DPF3: variants seen among roughly 807,000 people sequenced by gnomAD.
DPF3 encodes the protein zinc finger protein DPF3.
A neutral mutation model predicts 56.8 loss-of-function variants in DPF3; 18 were observed. The ratio of observed to expected loss-of-function variants is 0.32; its 90% CI spans 0.22 to 0.47. The LOEUF is 0.47. Ranked by LOEUF, DPF3 falls within the 20% of genes least tolerant of loss-of-function variation. The probability of loss-of-function intolerance (pLI) is 1.00; values close to 1 mark genes in which losing one functional copy is unlikely to be tolerated. For synonymous variants in DPF3, 188 were observed against 180.2 expected (o/e 1.04, Z -0.35); for missense variants, 403 against 488.8 (o/e 0.82, Z 1.65).
rs182278311 is a variant in DPF3 at position 72,661,495 on chromosome 14, G to A, written c.871+12745C>T. On this transcript the variant is annotated intron_variant, in intron 8 of 10. Coordinates refer to ENST00000556509, the MANE Select transcript of DPF3 (RefSeq NM_001280542.3). Reference sequence around the variant, plus strand: ...GGGAGGGAAACCCAAGAGCATGGCTGTGTGAAAGCCCAGTGCAGTGGGGAG... The same window carrying A: ...GGGAGGGAAACCCAAGAGCATGGCTATGTGAAAGCCCAGTGCAGTGGGGAG... The A allele has an allele frequency of 7.1e-5, 70 of 985,612 alleles. No homozygotes were observed. The African/African-American group carries it at 1.0e-3, about 14-fold the overall frequency. 61.1% of individuals were successfully genotyped at this position (985,612 alleles called of 1,614,324 possible).
At chr14:72,739,959 TG>T (rs1890059470) in intron 3 of DPF3, among the ~76,000 whole-genome samples, 1 of 152,196 alleles carries the variant, frequency 6.6e-6, no homozygotes, top group Admixed American at 6.5e-5. Flanking sequence ...TGGTAATCAG[TG>T]CTTTGGAGGA....
intron 1 of DPF3, among the ~76,000 whole-genome samples, chr14:72,777,311 G>A (rs894767169): frequency 5.3e-5 from 8 of 152,176 alleles, no homozygotes; most frequent in African/African-American, 9.7e-5. Context: ...GGAAAGCTCC[G>A]TCTCCCATTT....
At chr14:72,673,493 G>T (rs1312229674) in intron 8 of DPF3, among the ~76,000 whole-genome samples, 4 of 152,118 alleles carry the variant, frequency 2.6e-5, no homozygotes, top group African/African-American at 7.2e-5. Context: ...AAAAATAATG[G>T]TTTGGTTAGA....
At chr14:72,673,680 A>G (rs181777203) in intron 8 of DPF3, among the ~76,000 whole-genome samples, 26 of 152,338 alleles carry the variant, frequency 1.7e-4, no homozygotes, top group Admixed American at 1.5e-3. Context: ...CTTTTGCCTC[A>G]TTGATCTATC....
At chr14:72,788,612 T>C (rs1210256715) in intron 1 of DPF3, among the ~76,000 whole-genome samples, 1 of 152,060 alleles carries the variant, frequency 6.6e-6, no homozygotes. Flanking sequence ...CACACAGGAT[T>C]CTAGTCAATT....
chr14:72,700,608 T>C (rs1160839882), intron 6 of DPF3, among the ~76,000 whole-genome samples: 1 of 152,174 alleles, frequency 6.6e-6, no homozygotes, highest in Non-Finnish European at 1.5e-5. Flanking sequence ...CTCAGTGCCA[T>C]CAACCACCCA....
intron 1 of DPF3, among the ~76,000 whole-genome samples, chr14:72,891,290 G>A (rs1886741547): frequency 6.8e-6 from 1 of 146,738 alleles, no homozygotes; most frequent in Non-Finnish European, 1.5e-5. Flanking sequence ...ACCATTTTCT[G>A]TAGGAGACGT....
rs574288312 is a variant in DPF3, at chr14:72,629,773, G to A, written c.872-37C>T. 3.8e-5 allele frequency: 55 copies of A among 1,457,350 alleles called. 1 individual carries two copies. The South Asian group carries it at 6.4e-4, about 17-fold the overall frequency. 90.3% of individuals were successfully genotyped at this position (1,457,350 alleles called of 1,614,324 possible). ...CAGAAACAACAGCATTAGGGCCAAAGTATGAACTGCCACCCCTCAACACCA... is the reference window on the plus strand; with the variant it reads ...CAGAAACAACAGCATTAGGGCCAAAATATGAACTGCCACCCCTCAACACCA... On this transcript the variant is annotated intron_variant, in intron 8 of 10. Coordinates refer to ENST00000556509, the MANE Select transcript of DPF3 (RefSeq NM_001280542.3).
chr14:72,698,998 G>A (rs1351779134), intron 6 of DPF3, among the ~76,000 whole-genome samples: 1 of 152,112 alleles, frequency 6.6e-6, no homozygotes, highest in Non-Finnish European at 1.5e-5. Flanking sequence ...GGATGAAGGA[G>A]GAAAACCAGA....
At chr14:72,637,119 A>G (rs1885406086) in intron 8 of DPF3, among the ~76,000 whole-genome samples, 1 of 152,226 alleles carries the variant, frequency 6.6e-6, no homozygotes, top group African/African-American at 2.4e-5. Context: ...ATGCAAGAGT[A>G]TTACGGGCAC....
chr14:72,648,494 G>A (rs1885791410), intron 8 of DPF3, among the ~76,000 whole-genome samples: 1 of 150,570 alleles, frequency 6.6e-6, no homozygotes, highest in Non-Finnish European at 1.5e-5. Context: ...CCAGGAGGCA[G>A]AGGTTGCAGT....
At chr14:72,774,671 C>A (rs1420156344) in intron 1 of DPF3, among the ~76,000 whole-genome samples, 1 of 152,026 alleles carries the variant, frequency 6.6e-6, no homozygotes, top group East Asian at 1.9e-4. Flanking sequence ...TCCTTTTTCA[C>A]CTCTGAACAT....
rs1555488007 is a variant in DPF3 at position 72,610,815 on chromosome 14, G to A, written c.*8482C>T. On this transcript the variant is annotated 3_prime_UTR_variant, in exon 11 of 11. Coordinates refer to ENST00000556509, the MANE Select transcript of DPF3 (RefSeq NM_001280542.3). ...ACCTGAGGGCTCAGGGCCCACCACT[G>A]GCTGCCTGGGGGAAGTGCTGCCAGT... Among the ~76,000 whole-genome samples the A allele has an allele frequency of 6.6e-6, 1 of 152,170 alleles. No individual in the cohort carries two copies. The highest frequency in any genetic ancestry group is 1.5e-5 in the Non-Finnish European group (1 of 68,030).
At chr14:72,630,832 C>T (rs1413156680) in intron 8 of DPF3, among the ~76,000 whole-genome samples, 4 of 152,186 alleles carry the variant, frequency 2.6e-5, no homozygotes, top group Non-Finnish European at 4.4e-5. Flanking sequence ...TTATATGGTG[C>T]CTTGTGTTGC....
chr14:72,643,769 T>C (rs1471301181), intron 8 of DPF3, among the ~76,000 whole-genome samples: 1 of 152,154 alleles, frequency 6.6e-6, no homozygotes, highest in Non-Finnish European at 1.5e-5. Context: ...CCAAAGCCAA[T>C]TTCACACCAC....
intron 1 of DPF3, among the ~76,000 whole-genome samples, chr14:72,820,036 G>A (rs1164394172): frequency 6.6e-6 from 1 of 152,186 alleles, no homozygotes. Flanking sequence ...TGAGTACAAA[G>A]AGGCACTAAG....
chr14:72,624,333 CTTT>C (rs55820708), intron 9 of DPF3, among the ~76,000 whole-genome samples: 2 of 97,796 alleles, frequency 2.0e-5, no homozygotes, highest in African/African-American at 3.9e-5. Context: ...ACCTATGTCT[CTTT>C]TTTTTTTTTT....
chr14:72,790,656 A>G (rs1892391637), intron 1 of DPF3, among the ~76,000 whole-genome samples: 1 of 152,184 alleles, frequency 6.6e-6, no homozygotes, highest in Admixed American at 6.5e-5. Context: ...AAGACCATAC[A>G]GAAATAGGGT....
intron 1 of DPF3, among the ~76,000 whole-genome samples, chr14:72,842,409 A>G (rs1884583067): frequency 6.6e-6 from 1 of 152,222 alleles, no homozygotes; most frequent in African/African-American, 2.4e-5. Context: ...AGAATGAATG[A>G]TCTACAACCA....
Sources: allele counts gnomAD v4.1 joint callset (sites outside exome capture counted in the v4.1 genomes callset), GRCh38; gene constraint gnomAD v4.1.1; transcripts MANE v1.5; gene names NCBI Gene and HGNC (gene_info 2026-07-23, HGNC 2026-07-21).